LYSMD4: variants seen among roughly 807,000 people sequenced by gnomAD.
LYSMD4 encodes lysM and putative peptidoglycan-binding domain-containing protein 4.
A neutral mutation model predicts 6.1 loss-of-function variants in LYSMD4; 9 were observed. That is an observed-to-expected ratio of 1.47 (90% CI 0.88 to 2.56). LYSMD4 has a LOEUF of 2.56. Ranked by LOEUF, LYSMD4 falls within the 30% of genes most tolerant of loss-of-function variation. The pLI is 0.00. For missense variants in LYSMD4, 384 were observed against 373.5 expected (o/e 1.03, Z -0.23); for synonymous variants, 143 against 148.5 (o/e 0.96, Z 0.27).
At chr15:99,715,825 G>A (rs1476435600) in exon 1 of LYSMD4, 2 of 152,214 alleles carry the variant, frequency 1.3e-5, no homozygotes, top group Non-Finnish European at 2.9e-5. Context: ...ACCGCGAGTG[G>A]AAGTCACTGT....
Position 99,731,771 on chromosome 15 carries a change from C to T in LYSMD4, c.229G>A (p.Glu77Lys), listed in dbSNP as rs754365722. The change falls in exon 2 of 3, where the codon GAG becomes AAG. Residue 77 changes from glutamate (E) to lysine (K), a missense_variant. Glu to Lys is a moderately conservative substitution (Grantham distance 56, BLOSUM62 1). Transcript: ENST00000684762. Reference protein sequence around the residue: ...GAGDVVLLQRELAQEDSLNKL... With the variant: ...GAGDVVLLQRKLAQEDSLNKL... ...TTGAGGCTGTCCTCCTGGGCCAGCT[C>T]CCGCTGCAGCAGCACCACGTCACCT... 13 of 1,609,762 alleles carry T rather than the reference C, an allele frequency of 8.1e-6. 1 individual carries two copies. In the South Asian group the frequency reaches 1.4e-4, roughly 18 times the overall value.
chr15:99,717,852 C>G (rs1310959276), upstream of LYSMD4: 1 of 152,248 alleles, frequency 6.6e-6, no homozygotes, highest in African/African-American at 2.4e-5. Context: ...GTTGTACTGA[C>G]TGGTTTCACT....
Position 99,729,188 on chromosome 15 carries a change from C to T in LYSMD4, c.826G>A (p.Val276Ile). 1.2e-6 allele frequency: 2 copies of T among 1,614,216 alleles called. No homozygotes were observed. The highest frequency in any genetic ancestry group is 2.2e-5 in the South Asian group (2 of 91,086). The change falls in exon 3 of 3, where the codon GTT becomes ATT. Residue 276 changes from valine (V) to isoleucine (I), a missense_variant. Physicochemically the swap from Val to Ile is conservative, Grantham distance 29. Transcript: ENST00000684762. ...GCAGAAGTGACGGCTGGCACTGCAA[C>T]TGCTAGTCTGGGGGCTTGCCCTGGA... is the stretch of plus-strand genomic sequence containing the variant. ...TVPGQAPRLA[V>I]AVPAVTSADS...
Position 99,731,844 on chromosome 15 carries a change from G to T in LYSMD4, c.156C>A (p.Gly52=), listed in dbSNP as rs1567557580. 1 of 1,613,252 alleles carries T rather than the reference G, an allele frequency of 6.2e-7. No individual in the cohort carries two copies. The highest frequency in any genetic ancestry group is 1.7e-5 in the Admixed American group (1 of 60,032). The stretch of plus-strand genomic sequence containing the variant: ...GGACACCGCTCTTGTGGCGCTCCTT[G>T]CCCCGGGGCCGCAAAACCACACGGT... The part of the protein sequence containing the change: ...ESHRVVLRPR[G]KERHKSGVHQ... Residue 52 remains glycine, a synonymous_variant, in exon 2 of 3, where the codon GGC becomes GGA. Coordinates refer to ENST00000684762, the MANE Select transcript of LYSMD4 (RefSeq NM_001284417.2).
rs745735761 is a variant in LYSMD4, at chr15:99,731,886, A to G, written c.114T>C (p.Ser38=). The G allele has an allele frequency of 3.7e-6, 6 of 1,613,596 alleles. No homozygotes were observed. The South Asian group carries it at 5.5e-5, about 15-fold the overall frequency. ...CCACACGGTGAGACTCTTCTTCAGA[A>G]GAGTCCCCCGAGTCCCCACTGCCAT... ...FKNGSGDSGD[S]SEEESHRVVL... Residue 38 remains serine (S), a synonymous_variant, in exon 2 of 3, where the codon TCT becomes TCC. Transcript: ENST00000684762.
In LYSMD4 at chr15:99,733,393, G is replaced by A. The variant is rs963797493; in HGVS notation, c.-57C>T. 8 of 395,610 alleles carry A rather than the reference G, an allele frequency of 2.0e-5. No homozygotes were observed. Among genetic ancestry groups the A allele is most frequent in the Admixed American group, 1.3e-4 (3 of 22,590 alleles). 24.5% of individuals were successfully genotyped at this position (395,610 alleles called of 1,614,324 possible). On this transcript the variant is annotated 5_prime_UTR_variant, in exon 1 of 3. Coordinates refer to ENST00000684762, the MANE Select transcript of LYSMD4 (RefSeq NM_001284417.2). ...ACCGGCGACCGGCGACTCGCGACCCGCGACCCGCGACCCGCAGCTGCCACC... is the reference window on the plus strand; with the variant it reads ...ACCGGCGACCGGCGACTCGCGACCCACGACCCGCGACCCGCAGCTGCCACC...
downstream of LYSMD4, among the ~76,000 whole-genome samples, chr15:99,722,463 C>T (rs2059244496): frequency 6.6e-6 from 1 of 152,174 alleles, no homozygotes; most frequent in African/African-American, 2.4e-5. Context: ...CAACAAAATC[C>T]AGCATCCAAC....
downstream of LYSMD4, among the ~76,000 whole-genome samples, chr15:99,724,362 G>C (rs2141100741): frequency 6.6e-6 from 1 of 152,338 alleles, no homozygotes. Context: ...CCAGGCTCAA[G>C]CCATTCTCCC....
intron 2 of LYSMD4, among the ~76,000 whole-genome samples, chr15:99,730,051 C>T (rs898613132): frequency 1.3e-5 from 2 of 152,190 alleles, no homozygotes; most frequent in African/African-American, 4.8e-5. Context: ...TCGCTTTGGG[C>T]GAAACCACCA....
At chr15:99,718,915 A>G (rs903836229), upstream of LYSMD4, among the ~76,000 whole-genome samples, 35 of 33,590 alleles carry the variant, frequency 1.0e-3, no homozygotes, top group South Asian at 7.4e-3. Flanking sequence ...ATGCGCACAC[A>G]CACACACACA....
At chr15:99,722,445 A>T (rs1419160491), downstream of LYSMD4, among the ~76,000 whole-genome samples, 2 of 152,226 alleles carry the variant, frequency 1.3e-5, no homozygotes, top group South Asian at 2.1e-4. Flanking sequence ...AAACTATTTA[A>T]AGGAAGACAA....
rs779543388 is a variant in LYSMD4, at chr15:99,729,361, C to T, written c.653G>A (p.Trp218Ter). ...CAGCATGATGAAAACAGCATTCCAC[C>T]ACTGAATGCCACAATCTGCACCATC... ...PMDGADCGIQ[W>*]WNAVFIMLLI... The change falls in exon 3 of 3, where the codon TGG becomes TAG. Residue 218 changes from tryptophan to a stop codon, truncating the protein, a stop_gained. Coordinates refer to ENST00000684762, the MANE Select transcript of LYSMD4 (RefSeq NM_001284417.2). LOFTEE classifies it low-confidence loss of function (END_TRUNC). 3.1e-6 allele frequency: 5 copies of T among 1,614,228 alleles called. No individual in the cohort carries two copies. The Admixed American group carries it at 8.3e-5, about 27-fold the overall frequency.
exon 1 of LYSMD4, chr15:99,716,382 A>G (rs1440344439): frequency 2.5e-6 from 1 of 393,720 alleles, no homozygotes; most frequent in East Asian, 7.4e-5. Context: ...TATACAATAA[A>G]TATAATAGTG....
downstream of LYSMD4, among the ~76,000 whole-genome samples, chr15:99,726,157 T>TTG (rs1555507918): frequency 1.4e-5 from 2 of 139,410 alleles, no homozygotes; most frequent in Non-Finnish European, 3.1e-5. Flanking sequence ...TTTTTTTTTT[T>TTG]TTTTTTTTTT....
downstream of LYSMD4, among the ~76,000 whole-genome samples, chr15:99,723,279 C>A (rs539194035): frequency 2.0e-5 from 3 of 152,260 alleles, no homozygotes; most frequent in South Asian, 6.2e-4. Context: ...AAACAATGAG[C>A]CCCAAACAGA....
chr15:99,725,651 C>A (rs111729575), downstream of LYSMD4, among the ~76,000 whole-genome samples: 2 of 152,152 alleles, frequency 1.3e-5, no homozygotes, highest in East Asian at 3.9e-4. Context: ...ACAGTTACTG[C>A]GATTCAGGCA....
rs1309993932 is a variant in LYSMD4, at chr15:99,731,715, T to C, written c.282+3A>G. 6.3e-7 allele frequency: 1 copy of C among 1,584,818 alleles called. No homozygotes were observed. Among genetic ancestry groups the C allele is most frequent in the Non-Finnish European group, 8.6e-7 (1 of 1,166,068 alleles). ...GGGGCAGGGCCCCTGAGGGGTGTCT[T>C]ACTTTGCAGCCATACTGCAGCGCCA... On this transcript the variant is annotated splice_donor_region_variant and intron_variant, in intron 2 of 2. Coordinates refer to ENST00000684762, the MANE Select transcript of LYSMD4 (RefSeq NM_001284417.2).
chr15:99,719,115 C>T (rs2059218741), upstream of LYSMD4, among the ~76,000 whole-genome samples: 2 of 152,196 alleles, frequency 1.3e-5, no homozygotes, highest in Non-Finnish European at 2.9e-5. Flanking sequence ...TGCCCATACC[C>T]GTGTAGGGAA....
intron 2 of LYSMD4, chr15:99,731,398 C>T (rs1048580479): frequency 1.2e-6 from 2 of 1,612,686 alleles, no homozygotes; most frequent in Non-Finnish European, 8.5e-7. Context: ...TATCTCCAGC[C>T]CCATTAGGTC....
Sources: allele counts gnomAD v4.1 joint callset (sites outside exome capture counted in the v4.1 genomes callset), GRCh38; gene constraint gnomAD v4.1.1; transcripts MANE v1.5; gene names NCBI Gene and HGNC (gene_info 2026-07-23, HGNC 2026-07-21).